PLCL2: variants seen among roughly 807,000 people sequenced by gnomAD.
The protein encoded by PLCL2 is phospholipase C like 2, also known as inactive phospholipase C-like protein 2.
Under a neutral mutation model 79.6 loss-of-function variants are expected in PLCL2, and 4 were observed. That is an observed-to-expected ratio of 0.05 (90% CI 0.02 to 0.11). PLCL2 has a LOEUF of 0.11. Among genes scored for constraint, PLCL2 ranks in the 10% least tolerant of loss-of-function variants. The pLI, the probability that PLCL2 is intolerant of heterozygous loss-of-function variation, is 1.00. For synonymous variants in PLCL2, 484 were observed against 457.7 expected (o/e 1.06, Z -0.73); for missense variants, 895 against 1,291.0 (o/e 0.69, Z 4.70).
chr3:17,085,707 C>A (rs1165531752), intron 5 of PLCL2, among the ~76,000 whole-genome samples: 1 of 152,122 alleles, frequency 6.6e-6, no homozygotes, highest in Non-Finnish European at 1.5e-5. Context: ...CCTCGGCCTC[C>A]CAAAGTGCTG....
At chr3:16,958,236 T>C (rs540459643) in intron 1 of PLCL2, among the ~76,000 whole-genome samples, 33 of 152,160 alleles carry the variant, frequency 2.2e-4, no homozygotes, top group Non-Finnish European at 4.4e-4. Context: ...TTAGCTACGA[T>C]AAAACTTTAA....
At position 17,090,320 on chromosome 3, in the gene PLCL2, G is replaced by T. The variant is rs1254712250; in HGVS notation, c.*408G>T. ...TACACATTTTTACTTATATGGGGTT[G>T]CCAGAGTCTCTGGGTTCTAGATGAT... On this transcript the variant is annotated 3_prime_UTR_variant, in exon 6 of 6. Transcript: ENST00000615277. 2.1e-5 allele frequency: 19 copies of T among 916,580 alleles called. No individual in the cohort carries two copies. Among genetic ancestry groups the T allele is most frequent in the Admixed American group, 6.1e-5 (1 of 16,338 alleles). The allele number at this position is 916,580 out of a possible 1,614,324, so 56.8% of individuals were successfully genotyped here.
At chr3:16,989,973 A>G (rs887660935) in intron 1 of PLCL2, among the ~76,000 whole-genome samples, 2 of 152,194 alleles carry the variant, frequency 1.3e-5, no homozygotes, top group Non-Finnish European at 2.9e-5. Context: ...TTCTCATCTA[A>G]TAATGATTGC....
intron 1 of PLCL2, among the ~76,000 whole-genome samples, chr3:16,889,153 G>A (rs775130675): frequency 2.6e-5 from 4 of 152,128 alleles, no homozygotes; most frequent in South Asian, 2.1e-4. Flanking sequence ...TGCAAAACAC[G>A]TGAAAAGTGC....
At chr3:16,959,281 A>G (rs988192381) in intron 1 of PLCL2, among the ~76,000 whole-genome samples, 2 of 152,062 alleles carry the variant, frequency 1.3e-5, no homozygotes, top group Non-Finnish European at 2.9e-5. Context: ...CCACGCTCCT[A>G]TCTCTGCGTC....
intron 1 of PLCL2, among the ~76,000 whole-genome samples, chr3:16,950,048 A>G (rs2063636331): frequency 6.6e-6 from 1 of 152,272 alleles, no homozygotes; most frequent in Middle Eastern, 3.4e-3. Flanking sequence ...TAATTGCTGT[A>G]TCTTCACAAG....
At chr3:16,970,635 A>G (rs2124978546) in intron 1 of PLCL2, among the ~76,000 whole-genome samples, 1 of 148,926 alleles carries the variant, frequency 6.7e-6, no homozygotes, top group East Asian at 2.0e-4. Context: ...AGGAATCGCC[A>G]CACTGTCTTC....
chr3:17,090,338 T>C lies in PLCL2; in HGVS notation c.*426T>C, dbSNP rs1215773424. The C allele has an allele frequency of 1.2e-6, 1 of 816,542 alleles. No individual in the cohort carries two copies. The highest frequency in any genetic ancestry group is 1.5e-6 in the Non-Finnish European group (1 of 675,892). The allele number at this position is 816,542 out of a possible 1,614,324, so 50.6% of individuals were successfully genotyped here. A position where few individuals can be genotyped will look rare whatever the true frequency, so the allele number is the denominator to read the frequency against. On this transcript the variant is annotated 3_prime_UTR_variant, in exon 6 of 6. Transcript: ENST00000615277. ...TGGGGTTGCCAGAGTCTCTGGGTTC[T>C]AGATGATTTTGGTGGCATGCTTGCT...
At chr3:16,889,929 A>G (rs1696308476) in intron 1 of PLCL2, among the ~76,000 whole-genome samples, 2 of 152,218 alleles carry the variant, frequency 1.3e-5, no homozygotes, top group South Asian at 4.1e-4. Context: ...CTGTGGGCAC[A>G]TCATAAATAA....
At chr3:16,945,278 A>T (rs184460680) in intron 1 of PLCL2, among the ~76,000 whole-genome samples, 296 of 152,194 alleles carry the variant, frequency 1.9e-3, no homozygotes, top group Non-Finnish European at 3.5e-3. Context: ...ACACATGCAC[A>T]CACAGCACTT....
At chr3:17,028,852 G>A (rs1357701856) in intron 3 of PLCL2, among the ~76,000 whole-genome samples, 1 of 152,082 alleles carries the variant, frequency 6.6e-6, no homozygotes, top group African/African-American at 2.4e-5. Context: ...TCTCAGCACC[G>A]ACAGCAGAAC....
chr3:16,931,310 A>G (rs1697387403), intron 1 of PLCL2, among the ~76,000 whole-genome samples: 2 of 152,170 alleles, frequency 1.3e-5, no homozygotes, highest in South Asian at 4.1e-4. Context: ...AAAGCTATTG[A>G]CTATATTTAA....
intron 1 of PLCL2, among the ~76,000 whole-genome samples, chr3:16,994,788 T>C (rs2064137096): frequency 6.6e-6 from 1 of 152,172 alleles, no homozygotes; most frequent in African/African-American, 2.4e-5. Context: ...GTGTTCCCTT[T>C]GTGAAAGGAA....
intron 1 of PLCL2, among the ~76,000 whole-genome samples, chr3:16,967,968 A>G (rs945062474): frequency 2.0e-5 from 3 of 152,012 alleles, no homozygotes; most frequent in Non-Finnish European, 2.9e-5. Flanking sequence ...TCCAGTTTCA[A>G]TCTTCTGCAT....
intron 1 of PLCL2, among the ~76,000 whole-genome samples, chr3:16,942,124 G>T (rs73037016): frequency 0.014 from 2,068 of 152,304 alleles, 29 homozygotes; most frequent in Non-Finnish European, 0.021. Flanking sequence ...TTACTTCTCT[G>T]AGTCTAAGTG....
At chr3:16,934,485 C>T (rs923065167) in intron 1 of PLCL2, among the ~76,000 whole-genome samples, 5 of 152,114 alleles carry the variant, frequency 3.3e-5, no homozygotes, top group African/African-American at 1.2e-4. Context: ...TGTTGGCAGT[C>T]TGGAGAGGAG....
At chr3:17,012,942 T>C (rs1437624939) in intron 2 of PLCL2, among the ~76,000 whole-genome samples, 1 of 152,132 alleles carries the variant, frequency 6.6e-6, no homozygotes, top group Non-Finnish European at 1.5e-5. Flanking sequence ...ATTTTAAAAA[T>C]TATATTTTAA....
chr3:17,010,244 A>G lies in PLCL2; in HGVS notation c.898A>G (p.Asn300Asp). The G allele has an allele frequency of 6.2e-7, 1 of 1,613,938 alleles. No individual in the cohort carries two copies. The highest frequency in any genetic ancestry group is 2.2e-5 in the East Asian group (1 of 44,866). Reference protein sequence around the residue: ...CNAVQCIRNLNPGLKTSKIEL... With the variant: ...CNAVQCIRNLDPGLKTSKIEL... ...TGCTGTGCAATGTATCAGAAACCTCAATCCTGGTTTAAAAACGAGCAAAAT... is the reference window on the plus strand; with the variant it reads ...TGCTGTGCAATGTATCAGAAACCTCGATCCTGGTTTAAAAACGAGCAAAAT... Residue 300 changes from asparagine (N) to aspartate (D), a missense_variant, in exon 2 of 6, where the codon AAT (asparagine) becomes GAT (aspartate). By Grantham distance (23) the Asn-to-Asp change is conservative. Coordinates refer to ENST00000615277, the MANE Select transcript of PLCL2 (RefSeq NM_001144382.2). This position sits in a 1 kb window ranked among gnomAD's most constrained non-coding sequence, Gnocchi z 5.8.
At chr3:16,898,372 C>T (rs1346067986) in intron 1 of PLCL2, among the ~76,000 whole-genome samples, 1 of 151,928 alleles carries the variant, frequency 6.6e-6, no homozygotes, top group African/African-American at 2.4e-5. Context: ...GTTTCCTTTC[C>T]TACAGCATAA....
Sources: allele counts gnomAD v4.1 joint callset (sites outside exome capture counted in the v4.1 genomes callset), GRCh38; gene constraint gnomAD v4.1.1; non-coding constraint Gnocchi (gnomAD v3.1); transcripts MANE v1.5; gene names NCBI Gene and HGNC (gene_info 2026-07-23, HGNC 2026-07-21).